Variants in KCNT2 observed in about 807,000 individuals in gnomAD.
KCNT2 encodes the protein potassium channel subfamily T member 2.
A neutral mutation model predicts 153.8 loss-of-function variants in KCNT2; 67 were observed. The observed-to-expected ratio is 0.44, with a 90% confidence interval of 0.36 to 0.53. The LOEUF is 0.53. Ranked by LOEUF, KCNT2 falls within the 20% of genes least tolerant of loss-of-function variation. KCNT2 has a pLI of 0.00. For missense variants in KCNT2, 975 were observed against 1,354.8 expected, an observed-to-expected ratio of 0.72 and a Z score of 4.40; for synonymous variants, 500 against 458.8, an observed-to-expected ratio of 1.09 and a Z score of -1.15.
intron 1 of KCNT2, among the ~76,000 whole-genome samples, chr1:196,531,682 T>C (rs184865198): frequency 6.6e-6 from 1 of 152,178 alleles, no homozygotes; most frequent in African/African-American, 2.4e-5. Flanking sequence ...ATATTATTGC[T>C]GAGAAATGTA....
chr1:196,337,542 C>G (rs779901165), intron 16 of KCNT2, among the ~76,000 whole-genome samples: 1 of 152,012 alleles, frequency 6.6e-6, no homozygotes, highest in South Asian at 2.1e-4. Context: ...TCTACCTGTT[C>G]GTCCTCATCT....
intron 22 of KCNT2, among the ~76,000 whole-genome samples, chr1:196,298,139 A>G (rs1424173038): frequency 6.6e-6 from 1 of 152,224 alleles, no homozygotes; most frequent in African/African-American, 2.4e-5. Context: ...TATAACTTAT[A>G]GACATGACTG....
At chr1:196,285,826 AT>A in intron 22 of KCNT2, 68 bp from the exon 23 acceptor site, 1 of 892,862 alleles carries the variant, frequency 1.1e-6, no homozygotes. Flanking sequence ...GCCTCAGTAA[AT>A]TGTGTTGACA....
At chr1:196,380,446 G>A (rs994791257) in intron 13 of KCNT2, among the ~76,000 whole-genome samples, 1 of 152,118 alleles carries the variant, frequency 6.6e-6, no homozygotes. Flanking sequence ...TTTTCTTAAA[G>A]GTCTACATCA....
chr1:196,400,102 G>A (rs1453850988), intron 12 of KCNT2, among the ~76,000 whole-genome samples: 1 of 151,740 alleles, frequency 6.6e-6, no homozygotes, highest in Non-Finnish European at 1.5e-5. Context: ...GTTCCTTACA[G>A]GCAAATATTC....
intron 1 of KCNT2, among the ~76,000 whole-genome samples, chr1:196,555,507 C>T (rs1433052417): frequency 6.0e-5 from 9 of 150,820 alleles, no homozygotes; most frequent in South Asian, 2.1e-4. Context: ...AAAGAGGACA[C>T]GAAAATAATG....
At chr1:196,393,615 G>GTA (rs10646444) in intron 13 of KCNT2, among the ~76,000 whole-genome samples, 3 of 151,302 alleles carry the variant, frequency 2.0e-5, no homozygotes, top group East Asian at 3.9e-4. Flanking sequence ...GTGTGTGTGT[G>GTA]CATTTAATGA....
intron 25 of KCNT2, among the ~76,000 whole-genome samples, chr1:196,266,190 G>T (rs955344868): frequency 1.3e-5 from 2 of 152,120 alleles, no homozygotes; most frequent in Non-Finnish European, 2.9e-5. Flanking sequence ...TACAACATAA[G>T]CTCCAAATTA....
chr1:196,592,256 T>A (rs1054505419), intron 1 of KCNT2, among the ~76,000 whole-genome samples: 1 of 151,768 alleles, frequency 6.6e-6, no homozygotes, highest in East Asian at 1.9e-4. Flanking sequence ...ATAAAATAAG[T>A]CAGAAATGAC....
At chr1:196,574,555 A>T (rs1409569167) in intron 1 of KCNT2, among the ~76,000 whole-genome samples, 1 of 151,888 alleles carries the variant, frequency 6.6e-6, no homozygotes, top group African/African-American at 2.4e-5. Flanking sequence ...TGTTCATTAC[A>T]AACCTCAAGC....
chr1:196,367,216 A>G (rs1300140390), intron 14 of KCNT2, among the ~76,000 whole-genome samples: 3 of 152,168 alleles, frequency 2.0e-5, no homozygotes, highest in African/African-American at 7.2e-5. Context: ...ATTAAAATTC[A>G]GGTAAAGAAC....
chr1:196,334,487 C>CTTTTTCTTTTTTTTTTT (rs1664802802), intron 16 of KCNT2, among the ~76,000 whole-genome samples: 3 of 87,264 alleles, frequency 3.4e-5, no homozygotes, highest in African/African-American at 1.3e-4. Flanking sequence ...TTCTTTCTTT[C>CTTTTTCTTTTTTTTTTT]TTTTTTTTTT....
intron 1 of KCNT2, among the ~76,000 whole-genome samples, chr1:196,576,207 C>T (rs1049183418): frequency 1.3e-5 from 2 of 151,688 alleles, no homozygotes; most frequent in Admixed American, 6.6e-5. Flanking sequence ...GATTAATTAA[C>T]TCAAGGCTAG....
At chr1:196,548,734 T>C (rs1285458808) in intron 1 of KCNT2, among the ~76,000 whole-genome samples, 3 of 151,910 alleles carry the variant, frequency 2.0e-5, no homozygotes, top group African/African-American at 4.8e-5. Context: ...TATTCACAAT[T>C]GCAAACACTT....
intron 1 of KCNT2, among the ~76,000 whole-genome samples, chr1:196,578,524 A>G (rs1427202451): frequency 1.3e-5 from 2 of 152,168 alleles, no homozygotes; most frequent in East Asian, 1.9e-4. Flanking sequence ...GTGGGCCAGG[A>G]AGGAAAGAAA....
At chr1:196,458,693 A>G (rs1339946) in intron 8 of KCNT2, among the ~76,000 whole-genome samples, 2,600 of 152,054 alleles carry the variant, frequency 0.017, 74 homozygotes, top group African/African-American at 0.058. Context: ...TTTTATAAGG[A>G]AAACATTAAT....
At chr1:196,322,181 G>A (rs746082422) in intron 19 of KCNT2, among the ~76,000 whole-genome samples, 1 of 151,808 alleles carries the variant, frequency 6.6e-6, no homozygotes, top group East Asian at 1.9e-4. Context: ...GCTTATTTAC[G>A]TTGGGAATTA....
At chr1:196,592,533 TAAC>T (rs1663497925) in intron 1 of KCNT2, among the ~76,000 whole-genome samples, 1 of 147,496 alleles carries the variant, frequency 6.8e-6, no homozygotes, top group Non-Finnish European at 1.5e-5. Flanking sequence ...TATAACTTTC[TAAC>T]TATATATAAA....
intron 1 of KCNT2, among the ~76,000 whole-genome samples, chr1:196,582,190 G>T (rs1231631099): frequency 6.6e-6 from 1 of 151,864 alleles, no homozygotes; most frequent in Non-Finnish European, 1.5e-5. Flanking sequence ...GAAAAACAGG[G>T]TTCAAGTTCC....
Sources: allele counts gnomAD v4.1 joint callset (sites outside exome capture counted in the v4.1 genomes callset), GRCh38; gene constraint gnomAD v4.1.1; transcripts MANE v1.5; gene names NCBI Gene and HGNC (gene_info 2026-07-23, HGNC 2026-07-21).